The following CTNNA2 variants were observed in gnomAD, a reference collection of about 807,000 sequenced individuals.
CTNNA2 encodes the protein catenin alpha 2.
In CTNNA2, 42 loss-of-function variants were observed where a neutral mutation model predicts 101.0. The observed-to-expected ratio is 0.42, with a 90% CI of 0.32 to 0.54. The LOEUF is 0.54. Among genes scored for constraint, CTNNA2 ranks in the 20% least tolerant of loss-of-function variants. The pLI is 0.14. For missense variants in CTNNA2, 871 were observed against 1,223.1 expected, an observed-to-expected ratio of 0.71 and a Z score of 4.29; for synonymous variants, 450 against 456.4, an observed-to-expected ratio of 0.99 and a Z score of 0.18.
At chr2:79,832,526 C>G (rs1574083994) in intron 3 of CTNNA2, among the ~76,000 whole-genome samples, 1 of 152,230 alleles carries the variant, frequency 6.6e-6, no homozygotes, top group East Asian at 1.9e-4. Flanking sequence ...CTTTCCTAGC[C>G]TTTAATAACT....
chr2:79,668,246 C>CA (rs34348942), intron 2 of CTNNA2, among the ~76,000 whole-genome samples: 1,076 of 69,128 alleles, frequency 0.016, 33 homozygotes, highest in African/African-American at 0.035. Context: ...GACTCCGTCT[C>CA]AAAAAAAAAA....
chr2:79,984,349 T>C (rs1691605669), intron 7 of CTNNA2, among the ~76,000 whole-genome samples: 1 of 152,148 alleles, frequency 6.6e-6, no homozygotes, highest in Non-Finnish European at 1.5e-5. Flanking sequence ...AGTTAGTTAT[T>C]GATGGGGGCA....
chr2:80,230,274 T>C (rs540116550), intron 7 of CTNNA2, among the ~76,000 whole-genome samples: 20 of 151,146 alleles, frequency 1.3e-4, no homozygotes, highest in Middle Eastern at 3.4e-3. Context: ...TTTTTTTTTT[T>C]TTTAAGAGAT....
chr2:80,254,200 T>C (rs1671968855), intron 7 of CTNNA2, among the ~76,000 whole-genome samples: 1 of 152,184 alleles, frequency 6.6e-6, no homozygotes, highest in Non-Finnish European at 1.5e-5. Flanking sequence ...CAATTCTTTA[T>C]AAGTTTTTTT....
intron 2 of CTNNA2, among the ~76,000 whole-genome samples, chr2:79,687,192 A>T (rs1398760202): frequency 6.6e-6 from 1 of 151,706 alleles, no homozygotes; most frequent in African/African-American, 2.4e-5. Context: ...AAATGTAAAG[A>T]CCCCTTGGTG....
At chr2:79,843,330 A>G (rs1044315861) in intron 3 of CTNNA2, among the ~76,000 whole-genome samples, 33 of 152,256 alleles carry the variant, frequency 2.2e-4, no homozygotes, top group African/African-American at 7.7e-4. Context: ...CTCAGGAATT[A>G]AAGTTGACTA....
At chr2:79,609,073 AAATT>A (rs551123100) in intron 1 of CTNNA2, among the ~76,000 whole-genome samples, 18 of 152,150 alleles carry the variant, frequency 1.2e-4, no homozygotes, top group Admixed American at 9.2e-4. Flanking sequence ...TGATATTTAA[AAATT>A]AATATTTATA....
chr2:79,336,579 C>A (rs1451901178), intron 3 of CTNNA2, among the ~76,000 whole-genome samples: 1 of 152,174 alleles, frequency 6.6e-6, no homozygotes, highest in African/African-American at 2.4e-5. Context: ...GAAACTCTTT[C>A]TTCTCTGCTA....
intron 9 of CTNNA2, among the ~76,000 whole-genome samples, chr2:80,516,150 G>A (rs1689093247): frequency 6.6e-6 from 1 of 152,126 alleles, no homozygotes; most frequent in African/African-American, 2.4e-5. Flanking sequence ...GGGCAGGAAG[G>A]GGATGTGCTC....
At chr2:79,848,675 A>T (rs1430762052) in intron 3 of CTNNA2, among the ~76,000 whole-genome samples, 1 of 152,172 alleles carries the variant, frequency 6.6e-6, no homozygotes, top group African/African-American at 2.4e-5. Flanking sequence ...ACACTTAATC[A>T]TTAGTTACTG....
At chr2:80,290,059 G>T (rs1429235484) in intron 7 of CTNNA2, among the ~76,000 whole-genome samples, 1 of 152,106 alleles carries the variant, frequency 6.6e-6, no homozygotes, top group East Asian at 1.9e-4. Flanking sequence ...AGTTTTTGAA[G>T]TTCTGTCACT....
At chr2:79,456,213 A>T (rs1438301013) in intron 4 of CTNNA2, among the ~76,000 whole-genome samples, 1 of 151,312 alleles carries the variant, frequency 6.6e-6, no homozygotes. Context: ...CATTATTTTA[A>T]ATTACTTTAA....
intron 1 of CTNNA2, among the ~76,000 whole-genome samples, chr2:79,571,053 A>G (rs562156231): frequency 1.3e-5 from 2 of 152,290 alleles, no homozygotes; most frequent in East Asian, 3.9e-4. Context: ...TTTCTTCTGA[A>G]CTATCTCTTT....
At chr2:79,516,448 AG>A (rs1671812576) in intron 1 of CTNNA2, among the ~76,000 whole-genome samples, 1 of 152,162 alleles carries the variant, frequency 6.6e-6, no homozygotes. Flanking sequence ...GATTTCATGC[AG>A]GGTGGGCTGG....
At chr2:80,495,653 T>G (rs1687392492) in intron 9 of CTNNA2, among the ~76,000 whole-genome samples, 1 of 152,062 alleles carries the variant, frequency 6.6e-6, no homozygotes, top group South Asian at 2.1e-4. Context: ...AGATGGCCAT[T>G]CTGGCCAGGC....
intron 2 of CTNNA2, among the ~76,000 whole-genome samples, chr2:79,734,770 GA>G (rs1244170928): frequency 6.6e-6 from 1 of 152,064 alleles, no homozygotes; most frequent in East Asian, 1.9e-4. Flanking sequence ...GTACAAAAAG[GA>G]AAAGGAAATC....
At chr2:80,584,756 A>T (rs993463834) in intron 14 of CTNNA2, among the ~76,000 whole-genome samples, 10 of 152,152 alleles carry the variant, frequency 6.6e-5, no homozygotes, top group African/African-American at 2.4e-4. Flanking sequence ...GAATTCCATG[A>T]TAAAATGTAT....
intron 14 of CTNNA2, among the ~76,000 whole-genome samples, chr2:80,588,256 A>C (rs560391641): frequency 6.6e-6 from 1 of 152,340 alleles, no homozygotes; most frequent in Non-Finnish European, 1.5e-5. Context: ...CACTAGACGC[A>C]CTTCAGCACC....
chr2:80,406,308 T>G (rs1679049577), intron 8 of CTNNA2, among the ~76,000 whole-genome samples: 1 of 148,290 alleles, frequency 6.7e-6, no homozygotes, highest in African/African-American at 2.5e-5. Flanking sequence ...CACTCCAGCC[T>G]GGGCGACAAG....
Sources: gnomAD v4.1 joint callset for allele counts (sites outside exome capture counted in the v4.1 genomes callset) on GRCh38, gnomAD v4.1.1 for gene constraint, MANE v1.5 for transcripts, NCBI Gene and HGNC (gene_info 2026-07-23, HGNC 2026-07-21) for gene names.